The following SPATA17 variants were observed in gnomAD, a reference collection of about 807,000 sequenced individuals.
SPATA17 encodes spermatogenesis associated 17.
SPATA17 carries 53 observed loss-of-function variants against 62.2 expected under a neutral mutation model. The ratio of observed to expected loss-of-function variants is 0.85; its 90% CI spans 0.68 to 1.07. The LOEUF is 1.07. SPATA17 is among the 50% of genes least tolerant of loss of function. The probability of loss-of-function intolerance (pLI) is 0.00; values close to 1 mark genes in which losing one functional copy is unlikely to be tolerated. For missense variants in SPATA17, 466 were observed against 425.5 expected (o/e 1.10, Z -0.84); for synonymous variants, 146 against 146.8 (o/e 0.99, Z 0.04).
intron 7 of SPATA17, among the ~76,000 whole-genome samples, chr1:217,777,237 ACT>A (rs1673616139): frequency 2.6e-5 from 4 of 151,254 alleles, no homozygotes; most frequent in Non-Finnish European, 4.4e-5. Context: ...CTTTTTTTTT[ACT>A]CTCTCAAAAC....
At chr1:217,654,169 G>C (rs1670382736) in intron 3 of SPATA17, among the ~76,000 whole-genome samples, 1 of 141,352 alleles carries the variant, frequency 7.1e-6, no homozygotes, top group South Asian at 2.2e-4. Flanking sequence ...ACAAAGTCTT[G>C]CTCTGTTGTC....
At chr1:217,702,863 G>A (rs1301814915) in intron 5 of SPATA17, among the ~76,000 whole-genome samples, 3 of 151,170 alleles carry the variant, frequency 2.0e-5, no homozygotes, top group African/African-American at 7.3e-5. Flanking sequence ...TTTTTTTCAG[G>A]TATTTGAACA....
intron 5 of SPATA17, among the ~76,000 whole-genome samples, chr1:217,732,907 T>C (rs1672431157): frequency 6.6e-6 from 1 of 152,142 alleles, no homozygotes; most frequent in Non-Finnish European, 1.5e-5. Context: ...AGCAACTCTC[T>C]AGATGATAAA....
intron 9 of SPATA17, among the ~76,000 whole-genome samples, chr1:217,825,710 T>C (rs1054530830): frequency 2.6e-5 from 4 of 152,078 alleles, no homozygotes; most frequent in Non-Finnish European, 4.4e-5. Context: ...TTTTCCAAAG[T>C]ACATATTTAG....
At chr1:217,753,603 T>G (rs1009019741) in intron 6 of SPATA17, among the ~76,000 whole-genome samples, 1 of 151,860 alleles carries the variant, frequency 6.6e-6, no homozygotes, top group African/African-American at 2.4e-5. Flanking sequence ...AATGAATATA[T>G]TTTGTATATG....
At chr1:217,644,003 A>G (rs1453972070) in intron 1 of SPATA17, among the ~76,000 whole-genome samples, 2 of 152,170 alleles carry the variant, frequency 1.3e-5, no homozygotes. Flanking sequence ...CTGGGATTAC[A>G]GGTGTGAGCC....
rs371242390 is a variant in SPATA17 at position 217,869,985 on chromosome 1, T to C, written c.*2966T>C. The C allele has an allele frequency of 8.5e-5, 13 of 152,254 alleles. No individual in the cohort carries two copies. The highest frequency in any genetic ancestry group is 3.1e-4 in the African/African-American group (13 of 41,564). The allele number at this position is 152,254 out of a possible 1,614,324, so 9.4% of individuals were successfully genotyped here. A position where few individuals can be genotyped will look rare whatever the true frequency, so the allele number is the denominator to read the frequency against. Reference sequence around the variant, plus strand: ...TATCTGAAAGAAGATGAACCAAGACTTGGTTATTGTTAAAGCTGATGATTG... The same window carrying C: ...TATCTGAAAGAAGATGAACCAAGACCTGGTTATTGTTAAAGCTGATGATTG... On this transcript the variant is annotated 3_prime_UTR_variant, in exon 11 of 11. Transcript: ENST00000366933.
In SPATA17 at chr1:217,801,760, C is replaced by G; in HGVS notation, c.915C>G (p.Ile305Met). ...FSSYHKNEKY[I>M]PSMHLSSKYG... is the part of the protein sequence containing the mutation. The stretch of plus-strand genomic sequence containing the variant: ...CATACCATAAAAATGAAAAGTACAT[C>G]CCATCAATGCATTTATCAAGCAAGT... Residue 305 changes from isoleucine to methionine, a missense_variant, in exon 9 of 11, where the codon ATC becomes ATG. By Grantham distance (10) the Ile-to-Met change is conservative (BLOSUM62 1). Coordinates refer to ENST00000366933, the MANE Select transcript of SPATA17 (RefSeq NM_138796.4). 4 of 1,609,466 alleles carry G rather than the reference C, an allele frequency of 2.5e-6. No homozygotes were observed. The highest frequency in any genetic ancestry group is 3.4e-6 in the Non-Finnish European group (4 of 1,178,130).
chr1:217,792,348 T>C (rs1455457054), intron 8 of SPATA17, among the ~76,000 whole-genome samples: 1 of 152,124 alleles, frequency 6.6e-6, no homozygotes, highest in African/African-American at 2.4e-5. Flanking sequence ...AGGAATTTTA[T>C]AGAGATATAA....
At chr1:217,648,308 G>A (rs545998051) in intron 1 of SPATA17, among the ~76,000 whole-genome samples, 1 of 152,210 alleles carries the variant, frequency 6.6e-6, no homozygotes, top group East Asian at 1.9e-4. Context: ...TATTGTACAT[G>A]TCTCACATCT....
intron 3 of SPATA17, among the ~76,000 whole-genome samples, chr1:217,654,142 CT>C (rs564073895): frequency 0.047 from 6,680 of 142,626 alleles, 190 homozygotes; most frequent in Middle Eastern, 0.1. Flanking sequence ...TTCTTATTTA[CT>C]TTTTTTTTTT....
At chr1:217,851,049 A>G (rs893646179) in intron 9 of SPATA17, among the ~76,000 whole-genome samples, 5 of 152,152 alleles carry the variant, frequency 3.3e-5, no homozygotes, top group African/African-American at 1.2e-4. Context: ...CCTACTAAGA[A>G]CTTAATAAAT....
At chr1:217,785,130 C>T (rs908527960) in intron 8 of SPATA17, 2 of 152,228 alleles carry the variant, frequency 1.3e-5, no homozygotes, top group Non-Finnish European at 2.9e-5. Context: ...CTGCCTTCCT[C>T]ACGTGGTGTT....
At chr1:217,827,314 G>T (rs1242976628) in intron 9 of SPATA17, among the ~76,000 whole-genome samples, 1 of 152,022 alleles carries the variant, frequency 6.6e-6, no homozygotes, top group Non-Finnish European at 1.5e-5. Flanking sequence ...TGCAAAGGAA[G>T]AATTAATATT....
At chr1:217,725,672 A>G (rs1265359297) in intron 5 of SPATA17, among the ~76,000 whole-genome samples, 2 of 152,166 alleles carry the variant, frequency 1.3e-5, no homozygotes, top group East Asian at 3.9e-4. Context: ...CATGTTGGCC[A>G]GGCTGGTCTC....
chr1:217,753,686 G>A (rs1312357363), intron 6 of SPATA17, among the ~76,000 whole-genome samples: 3 of 151,592 alleles, frequency 2.0e-5, no homozygotes, highest in African/African-American at 7.3e-5. Context: ...TACATGTTAT[G>A]TATGTATATG....
intron 9 of SPATA17, among the ~76,000 whole-genome samples, chr1:217,817,314 C>G (rs1289665354): frequency 6.6e-6 from 1 of 152,002 alleles, no homozygotes; most frequent in African/African-American, 2.4e-5. Context: ...ATCAAGGGGT[C>G]AGTTTCCCCC....
chr1:217,706,855 C>CCTTT (rs1166155047), intron 5 of SPATA17, among the ~76,000 whole-genome samples: 1 of 149,158 alleles, frequency 6.7e-6, no homozygotes, highest in Non-Finnish European at 1.5e-5. Context: ...TTTCTTTCTT[C>CCTTT]CTTTCTTTCT....
chr1:217,789,546 AAG>A (rs772355274), intron 8 of SPATA17, among the ~76,000 whole-genome samples: 1 of 152,204 alleles, frequency 6.6e-6, no homozygotes, highest in Non-Finnish European at 1.5e-5. Flanking sequence ...GCCTGCAGGT[AAG>A]AGTTTTTAAA....
Sources: allele counts gnomAD v4.1 joint callset (sites outside exome capture counted in the v4.1 genomes callset), GRCh38; gene constraint gnomAD v4.1.1; transcripts MANE v1.5; gene names NCBI Gene and HGNC (gene_info 2026-07-23, HGNC 2026-07-21).